AKAP6: variants seen among roughly 807,000 people sequenced by gnomAD.
AKAP6 encodes the protein A-kinase anchoring protein 6.
In AKAP6, 58 loss-of-function variants were observed where a neutral mutation model predicts 188.5. The observed-to-expected ratio is 0.31, with a 90% confidence interval of 0.25 to 0.38. The LOEUF is 0.38. Among genes scored for constraint, AKAP6 ranks in the 10% least tolerant of loss-of-function variants. The pLI is 1.00. For missense variants in AKAP6, 2,710 were observed against 2,740.0 expected, an observed-to-expected ratio of 0.99 and a Z score of 0.24; for synonymous variants, 989 against 998.6, an observed-to-expected ratio of 0.99 and a Z score of 0.18.
chr14:32,355,309 TGCAGTGTTTTG>T (rs1887443363), intron 1 of AKAP6, among the ~76,000 whole-genome samples: 1 of 152,208 alleles, frequency 6.6e-6, no homozygotes, highest in Non-Finnish European at 1.5e-5. Context: ...CCTGCAATGT[TGCAGTGTTTTG>T]GTTCTTCTCT....
At chr14:32,352,105 G>GTGTGTT (rs1555320174) in intron 1 of AKAP6, among the ~76,000 whole-genome samples, 1 of 66,504 alleles carries the variant, frequency 1.5e-5, no homozygotes, top group African/African-American at 6.6e-5. Flanking sequence ...GTGTGTGTTT[G>GTGTGTT]TGTGTGTGTG....
intron 12 of AKAP6, among the ~76,000 whole-genome samples, chr14:32,804,911 A>G (rs2034049891): frequency 6.6e-6 from 1 of 152,210 alleles, no homozygotes; most frequent in Non-Finnish European, 1.5e-5. Flanking sequence ...TGCAAGAAGA[A>G]AAATATGGCT....
chr14:32,421,585 G>A (rs1308513958), intron 1 of AKAP6, among the ~76,000 whole-genome samples: 1 of 151,772 alleles, frequency 6.6e-6, no homozygotes, highest in South Asian at 2.1e-4. Context: ...ATTTTCCATG[G>A]ATGGTGTGTT....
At position 32,836,171 on chromosome 14, in the gene AKAP6, G is replaced by C. The variant is rs2034873325; in HGVS notation, c.*6366G>C. The C allele has an allele frequency of 6.6e-6, 1 of 152,150 alleles. No individual in the cohort carries two copies. The highest frequency in any genetic ancestry group is 2.4e-5 in the African/African-American group (1 of 41,426). The allele number at this position is 152,150 out of a possible 1,614,324, so 9.4% of individuals were successfully genotyped here. A position where few individuals can be genotyped will look rare whatever the true frequency, so the allele number is the denominator to read the frequency against. ...TGTTCATACGTGTAAGACTGTCTTA[G>C]TCTGCCCAGACTGCTTGGACTGTGT... is the stretch of plus-strand genomic sequence containing the variant. On this transcript the variant is annotated 3_prime_UTR_variant, in exon 14 of 14. Transcript: ENST00000280979.
In AKAP6 at chr14:32,833,915, CATTT is replaced by C. The variant is rs2140177945; in HGVS notation, c.*4114_*4117del. On this transcript the variant is annotated 3_prime_UTR_variant, in exon 14 of 14. Coordinates refer to ENST00000280979, the MANE Select transcript of AKAP6 (RefSeq NM_004274.5). The stretch of plus-strand genomic sequence containing the variant: ...ATACTTGGTACTCATCCCTCAGGTT[CATTT>C]ATTGTTAATATTTCACCATATTTAC... 1 of 152,210 alleles carries C rather than the reference CATTT, an allele frequency of 6.6e-6. No individual in the cohort carries two copies. The highest frequency in any genetic ancestry group is 2.1e-4 in the South Asian group (1 of 4,824). 9.4% of individuals were successfully genotyped at this position (152,210 alleles called of 1,614,324 possible). A position where few individuals can be genotyped will look rare whatever the true frequency, so the allele number is the denominator to read the frequency against.
chr14:32,386,328 G>A (rs1304750931), intron 1 of AKAP6, among the ~76,000 whole-genome samples: 2 of 151,992 alleles, frequency 1.3e-5, no homozygotes, highest in Non-Finnish European at 2.9e-5. Context: ...AACGCATTGT[G>A]GTTTTGATTT....
intron 5 of AKAP6, among the ~76,000 whole-genome samples, chr14:32,585,316 A>G (rs986448992): frequency 1.3e-5 from 2 of 152,250 alleles, no homozygotes; most frequent in African/African-American, 4.8e-5. Context: ...TGTAGGAAAA[A>G]CAATCAACCA....
chr14:32,779,297 C>G (rs2033164612), intron 12 of AKAP6, among the ~76,000 whole-genome samples: 1 of 151,310 alleles, frequency 6.6e-6, no homozygotes, highest in Admixed American at 6.6e-5. Flanking sequence ...CAGCTGCCCA[C>G]TACTCAGGAG....
chr14:32,764,418 A>G (rs1014282388), intron 11 of AKAP6, among the ~76,000 whole-genome samples: 3 of 152,236 alleles, frequency 2.0e-5, no homozygotes, highest in African/African-American at 7.2e-5. Context: ...CTTTGCAGAA[A>G]GAGGTTGTTG....
rs2034800469 is a variant in AKAP6, at chr14:32,830,529, A to C, written c.*724A>C. 2 of 152,624 alleles carry C rather than the reference A, an allele frequency of 1.3e-5. No homozygotes were observed. Among genetic ancestry groups the C allele is most frequent in the Admixed American group, 6.5e-5 (1 of 15,280 alleles). The allele number at this position is 152,624 out of a possible 1,614,324, so 9.5% of individuals were successfully genotyped here. On this transcript the variant is annotated 3_prime_UTR_variant, in exon 14 of 14. Coordinates refer to ENST00000280979, the MANE Select transcript of AKAP6 (RefSeq NM_004274.5). The stretch of plus-strand genomic sequence containing the variant: ...CTTCTTGAGGTGGTAATGAGAAAAA[A>C]GTTTTTTAAAAAAGTGTGCCTTGCT...
intron 7 of AKAP6, among the ~76,000 whole-genome samples, chr14:32,607,640 T>C (rs1886177847): frequency 6.6e-6 from 1 of 152,202 alleles, no homozygotes; most frequent in African/African-American, 2.4e-5. Flanking sequence ...GTCTAATGTA[T>C]TTTGGGCTAT....
At chr14:32,543,568 G>T (rs572017396) in intron 3 of AKAP6, among the ~76,000 whole-genome samples, 2 of 152,216 alleles carry the variant, frequency 1.3e-5, no homozygotes, top group South Asian at 4.2e-4. Flanking sequence ...ACCTATTAGT[G>T]GGATTGGTAG....
chr14:32,744,866 T>C (rs1471347537), intron 11 of AKAP6, among the ~76,000 whole-genome samples: 2 of 152,056 alleles, frequency 1.3e-5, no homozygotes, highest in African/African-American at 4.8e-5. Flanking sequence ...GCTCACTAAT[T>C]CTTCTGCTTG....
intron 9 of AKAP6, among the ~76,000 whole-genome samples, chr14:32,702,684 G>A (rs948855920): frequency 2.6e-5 from 4 of 152,174 alleles, no homozygotes; most frequent in South Asian, 2.1e-4. Flanking sequence ...CGGAAGGTGC[G>A]TTGGCTCTCT....
chr14:32,349,139 A>G (rs1887173236), intron 1 of AKAP6, among the ~76,000 whole-genome samples: 1 of 152,230 alleles, frequency 6.6e-6, no homozygotes, highest in Non-Finnish European at 1.5e-5. Flanking sequence ...GGGGCATTTT[A>G]TAGATCTGTA....
At chr14:32,432,462 T>C (rs1272809025) in intron 1 of AKAP6, among the ~76,000 whole-genome samples, 1 of 152,208 alleles carries the variant, frequency 6.6e-6, no homozygotes, top group East Asian at 1.9e-4. Context: ...ACTGTTTATG[T>C]ATTTCAGACC....
intron 1 of AKAP6, among the ~76,000 whole-genome samples, chr14:32,406,685 A>G (rs915320992): frequency 6.6e-6 from 1 of 152,116 alleles, no homozygotes; most frequent in African/African-American, 2.4e-5. Context: ...TCAGTCCCTT[A>G]TTGTCTATAC....
chr14:32,411,791 A>G (rs1225994099), intron 1 of AKAP6, among the ~76,000 whole-genome samples: 1 of 85,604 alleles, frequency 1.2e-5, no homozygotes, highest in Admixed American at 1.4e-4. Flanking sequence ...CATCTCTCTT[A>G]CTCTTTTTTT....
intron 1 of AKAP6, among the ~76,000 whole-genome samples, chr14:32,383,924 A>G (rs1178930257): frequency 6.6e-6 from 1 of 152,158 alleles, no homozygotes; most frequent in East Asian, 1.9e-4. Context: ...ATCTTTGACC[A>G]TATCTGCTGC....
Sources: allele counts gnomAD v4.1 joint callset (sites outside exome capture counted in the v4.1 genomes callset), GRCh38; gene constraint gnomAD v4.1.1; transcripts MANE v1.5; gene names NCBI Gene and HGNC (gene_info 2026-07-23, HGNC 2026-07-21).